The following RBFOX1 variants were observed in gnomAD, a reference collection of about 807,000 sequenced individuals.
RBFOX1 encodes RNA binding fox-1 homolog 1, also known as RNA binding protein fox-1 homolog 1.
Under a neutral mutation model 57.7 loss-of-function variants are expected in RBFOX1, and 8 were observed. That is an observed-to-expected ratio of 0.14 (90% confidence interval 0.08 to 0.25). The LOEUF is 0.25. RBFOX1 is among the 10% of genes least tolerant of loss of function. RBFOX1 has a pLI of 1.00. For synonymous variants in RBFOX1, 326 were observed against 222.4 expected, an observed-to-expected ratio of 1.47 and a Z score of -4.15; for missense variants, 611 against 548.5, an observed-to-expected ratio of 1.11 and a Z score of -1.14.
chr16:5,466,295 G>C (rs2068951082), intron 1 of RBFOX1, among the ~76,000 whole-genome samples: 2 of 152,186 alleles, frequency 1.3e-5, no homozygotes, highest in South Asian at 4.1e-4. Context: ...GACTAAGCCA[G>C]GGTCCTTCCT....
intron 2 of RBFOX1, among the ~76,000 whole-genome samples, chr16:6,449,853 A>C (rs2094554835): frequency 6.6e-6 from 1 of 152,172 alleles, no homozygotes; most frequent in African/African-American, 2.4e-5. Context: ...TCTGCAGGAA[A>C]GTGGATATGA....
intron 1 of RBFOX1, among the ~76,000 whole-genome samples, chr16:5,409,704 T>G (rs2066963247): frequency 6.6e-6 from 1 of 152,054 alleles, no homozygotes; most frequent in South Asian, 2.1e-4. Flanking sequence ...AATAAACGTG[T>G]AGAGTGAGAG....
At chr16:6,872,308 G>A (rs751891893) in intron 3 of RBFOX1, among the ~76,000 whole-genome samples, 5 of 152,154 alleles carry the variant, frequency 3.3e-5, no homozygotes, top group East Asian at 3.9e-4. Context: ...CTTCTCTGCA[G>A]TCTGTCTCCC....
intron 3 of RBFOX1, among the ~76,000 whole-genome samples, chr16:6,780,562 T>A (rs1253832714): frequency 8.6e-5 from 9 of 105,012 alleles, no homozygotes; most frequent in East Asian, 7.2e-4. Flanking sequence ...ATTTACATAT[T>A]TATATATATT....
chr16:6,314,970 C>G (rs1329786811), intron 1 of RBFOX1, among the ~76,000 whole-genome samples: 1 of 152,248 alleles, frequency 6.6e-6, no homozygotes, highest in Non-Finnish European at 1.5e-5. Flanking sequence ...GCCTTCCCCA[C>G]TGTCCCCGGT....
intron 3 of RBFOX1, among the ~76,000 whole-genome samples, chr16:5,663,061 G>C (rs766314075): frequency 1.3e-5 from 2 of 152,108 alleles, no homozygotes; most frequent in Non-Finnish European, 2.9e-5. Context: ...GTCACATCTG[G>C]GGCAGGGAGT....
chr16:5,362,617 C>T (rs570276803), intron 1 of RBFOX1, among the ~76,000 whole-genome samples: 4 of 152,300 alleles, frequency 2.6e-5, no homozygotes, highest in Admixed American at 6.5e-5. Flanking sequence ...CCATCTTGGC[C>T]TCCCAAAGTG....
chr16:6,437,714 C>T (rs559533156), intron 2 of RBFOX1, among the ~76,000 whole-genome samples: 109 of 152,120 alleles, frequency 7.2e-4, no homozygotes, highest in Non-Finnish European at 1.2e-3. Context: ...GGTGGAATGG[C>T]GAAGGGGAAG....
chr16:5,841,325 T>C (rs1431028610), intron 3 of RBFOX1, among the ~76,000 whole-genome samples: 3 of 152,166 alleles, frequency 2.0e-5, no homozygotes, highest in Non-Finnish European at 4.4e-5. Context: ...CAGGGAATGT[T>C]CTTATCACCA....
intron 3 of RBFOX1, among the ~76,000 whole-genome samples, chr16:6,796,123 C>T (rs924725998): frequency 6.6e-5 from 10 of 150,944 alleles, no homozygotes; most frequent in Admixed American, 1.3e-4. Context: ...ACAGTCATGG[C>T]GGAAGGTGAA....
At chr16:7,262,160 A>G (rs1788032300) in intron 4 of RBFOX1, among the ~76,000 whole-genome samples, 1 of 152,048 alleles carries the variant, frequency 6.6e-6, no homozygotes, top group Non-Finnish European at 1.5e-5. Context: ...ATAGTTATAT[A>G]TCTATAGATA....
intron 4 of RBFOX1, among the ~76,000 whole-genome samples, chr16:7,407,669 T>C (rs1199433034): frequency 6.6e-6 from 1 of 152,172 alleles, no homozygotes; most frequent in Admixed American, 6.5e-5. Context: ...CCTATTATCT[T>C]AATTGCCGTT....
chr16:7,290,246 C>G (rs2095741472), intron 4 of RBFOX1, among the ~76,000 whole-genome samples: 1 of 152,176 alleles, frequency 6.6e-6, no homozygotes, highest in South Asian at 2.1e-4. Flanking sequence ...TTTTGATGAA[C>G]ACCAATATTT....
intron 5 of RBFOX1, among the ~76,000 whole-genome samples, chr16:7,535,335 C>A (rs920440987): frequency 1.3e-5 from 2 of 152,160 alleles, no homozygotes; most frequent in South Asian, 2.1e-4. Context: ...CTTAGGGTTT[C>A]ATGGATGTGA....
chr16:7,204,016 C>G (rs1454154889), intron 4 of RBFOX1, among the ~76,000 whole-genome samples: 1 of 152,260 alleles, frequency 6.6e-6, no homozygotes, highest in South Asian at 2.1e-4. Context: ...CTGTCGCAAT[C>G]TTTAACTAAC....
At position 6,606,804 on chromosome 16, in the gene RBFOX1, G is replaced by A. The variant is rs2097936939; in HGVS notation, c.-63-47799G>A. On this transcript the variant is annotated intron_variant, in intron 2 of 15. Coordinates refer to ENST00000550418, the MANE Select transcript of RBFOX1 (RefSeq NM_018723.4). ...CCACGTCTTTGCTACAGTGAATAGTGCTGCAGTGAACATACGCGTGCATGT... is the reference window on the plus strand; with the variant it reads ...CCACGTCTTTGCTACAGTGAATAGTACTGCAGTGAACATACGCGTGCATGT... 2.0e-5 allele frequency among the ~76,000 whole-genome samples: 3 copies of A among 152,254 alleles called. 1 individual carries two copies. Among genetic ancestry groups the A allele is most frequent in the South Asian group, 4.1e-4 (2 of 4,826 alleles).
chr16:6,311,433 T>C (rs1323213342), intron 1 of RBFOX1, among the ~76,000 whole-genome samples: 1 of 151,544 alleles, frequency 6.6e-6, no homozygotes, highest in Non-Finnish European at 1.5e-5. Context: ...AAGCATCTGA[T>C]GTGGGGATGG....
intron 4 of RBFOX1, among the ~76,000 whole-genome samples, chr16:7,254,984 T>C (rs189477084): frequency 2.2e-4 from 34 of 152,290 alleles, no homozygotes; most frequent in Admixed American, 1.6e-3. Flanking sequence ...TTCCACAGTT[T>C]TCTTGAGTTT....
chr16:6,209,563 C>G (rs1490011701), intron 1 of RBFOX1, among the ~76,000 whole-genome samples: 1 of 152,244 alleles, frequency 6.6e-6, no homozygotes, highest in African/African-American at 2.4e-5. Flanking sequence ...AGTAAAAACT[C>G]TGACCATACA....
Sources: allele counts gnomAD v4.1 joint callset (sites outside exome capture counted in the v4.1 genomes callset), GRCh38; gene constraint gnomAD v4.1.1; transcripts MANE v1.5; gene names NCBI Gene and HGNC (gene_info 2026-07-23, HGNC 2026-07-21).